SPAG16: variants seen among roughly 807,000 people sequenced by gnomAD.
SPAG16 encodes sperm associated antigen 16, also known as sperm-associated antigen 16 protein.
A neutral mutation model predicts 80.4 loss-of-function variants in SPAG16; 86 were observed. That is an observed-to-expected ratio of 1.07 (90% confidence interval 0.90 to 1.28). SPAG16 has a LOEUF of 1.28. SPAG16 is among the 50% of genes most tolerant of loss of function. The pLI, the probability that SPAG16 is intolerant of heterozygous loss-of-function variation, is 0.00. For synonymous variants in SPAG16, 294 were observed against 265.9 expected (o/e 1.11, Z -1.03); for missense variants, 870 against 765.3 (o/e 1.14, Z -1.61).
At chr2:214,061,730 A>C (rs2050265001) in intron 13 of SPAG16, among the ~76,000 whole-genome samples, 1 of 152,154 alleles carries the variant, frequency 6.6e-6, no homozygotes, top group Admixed American at 6.6e-5. Flanking sequence ...AGTTTAACAA[A>C]GTTGACACAT....
At chr2:213,387,431 C>CTTTTTTTTTTTTTTTTTTTTTTT (rs71060428) in intron 9 of SPAG16, among the ~76,000 whole-genome samples, 2 of 47,916 alleles carry the variant, frequency 4.2e-5, no homozygotes, top group Non-Finnish European at 6.5e-5. Context: ...AATGCATGCT[C>CTTTTTTTTTTTTTTTTTTTTTTT]TTTTTTTTTT....
At chr2:213,397,919 A>G (rs2068122607) in intron 9 of SPAG16, among the ~76,000 whole-genome samples, 1 of 152,050 alleles carries the variant, frequency 6.6e-6, no homozygotes, top group Admixed American at 6.6e-5. Flanking sequence ...TCATATATCC[A>G]ACTGCTTACT....
chr2:213,628,353 T>C, intron 10 of SPAG16, among the ~76,000 whole-genome samples: 1 of 152,194 alleles, frequency 6.6e-6, no homozygotes, highest in South Asian at 2.1e-4. Context: ...GCAAATTCTA[T>C]CCATTTATGG....
At chr2:213,753,800 A>T (rs1403260233) in intron 10 of SPAG16, among the ~76,000 whole-genome samples, 1 of 152,242 alleles carries the variant, frequency 6.6e-6, no homozygotes, top group Non-Finnish European at 1.5e-5. Context: ...GGCATGAATG[A>T]CTTAGACCTA....
At chr2:214,187,315 A>G (rs557958121) in intron 15 of SPAG16, among the ~76,000 whole-genome samples, 1 of 152,228 alleles carries the variant, frequency 6.6e-6, no homozygotes, top group African/African-American at 2.4e-5. Flanking sequence ...TAGGTGCTTC[A>G]TAGGTGAGAG....
intron 15 of SPAG16, among the ~76,000 whole-genome samples, chr2:214,406,534 CAAATT>C (rs1702007493): frequency 6.6e-6 from 1 of 151,978 alleles, no homozygotes; most frequent in South Asian, 2.1e-4. Context: ...GTTTTTATAA[CAAATT>C]CAATTGAAAC....
intron 10 of SPAG16, among the ~76,000 whole-genome samples, chr2:213,577,694 T>G (rs2060175025): frequency 6.6e-6 from 1 of 152,144 alleles, no homozygotes; most frequent in Admixed American, 6.6e-5. Context: ...AAGCATACTT[T>G]ATCTTTATTT....
chr2:213,588,989 C>G (rs2060584013), intron 10 of SPAG16, among the ~76,000 whole-genome samples: 1 of 151,998 alleles, frequency 6.6e-6, no homozygotes, highest in Non-Finnish European at 1.5e-5. Flanking sequence ...TCAACTCCTT[C>G]TTGGAAAAAT....
At chr2:213,915,029 G>A (rs1404282726) in intron 11 of SPAG16, among the ~76,000 whole-genome samples, 1 of 152,106 alleles carries the variant, frequency 6.6e-6, no homozygotes, top group East Asian at 1.9e-4. Flanking sequence ...CCACATGGCT[G>A]GGGAGGCCTC....
At chr2:213,907,347 T>C (rs1007548065) in intron 11 of SPAG16, among the ~76,000 whole-genome samples, 16 of 152,094 alleles carry the variant, frequency 1.1e-4, no homozygotes, top group African/African-American at 3.6e-4. Flanking sequence ...TCACCCTAGT[T>C]AGAATGGCTA....
chr2:214,036,971 G>A (rs1261928730), intron 13 of SPAG16, among the ~76,000 whole-genome samples: 1 of 151,648 alleles, frequency 6.6e-6, no homozygotes, highest in East Asian at 1.9e-4. Context: ...TTTTGTGTCT[G>A]TGAAATACTA....
At chr2:214,394,637 A>G (rs931611991) in intron 15 of SPAG16, among the ~76,000 whole-genome samples, 6 of 152,144 alleles carry the variant, frequency 3.9e-5, no homozygotes, top group African/African-American at 4.8e-5. Context: ...GAGATTTCCT[A>G]TATATCCCCT....
At chr2:213,969,097 G>T (rs1471190183) in intron 12 of SPAG16, among the ~76,000 whole-genome samples, 1 of 152,206 alleles carries the variant, frequency 6.6e-6, no homozygotes, top group Non-Finnish European at 1.5e-5. Flanking sequence ...AACTACAACA[G>T]TTGTGTAGTG....
At position 214,255,766 on chromosome 2, in the gene SPAG16, G is replaced by T. The variant is rs143312171; in HGVS notation, c.1720+106500G>T. ...CAAATAAATGGAATCTTTTGTGTAAGATTTCTTCATATGTGTTAATGTGTA... is the reference window on the plus strand; with the variant it reads ...CAAATAAATGGAATCTTTTGTGTAATATTTCTTCATATGTGTTAATGTGTA... On this transcript the variant is annotated intron_variant, in intron 15 of 15. Transcript: ENST00000331683. 1.4e-3 allele frequency among the ~76,000 whole-genome samples: 218 copies of T among 152,022 alleles called. 2 individuals carry two copies. Among genetic ancestry groups the T allele is most frequent in the Middle Eastern group, 0.01 (3 of 294 alleles).
chr2:213,812,936 A>G (rs2072270007), intron 10 of SPAG16, among the ~76,000 whole-genome samples: 1 of 152,136 alleles, frequency 6.6e-6, no homozygotes, highest in African/African-American at 2.4e-5. Flanking sequence ...AAAGAATAGG[A>G]TTTTTAAAAG....
At chr2:214,179,982 A>G (rs1211685936) in intron 15 of SPAG16, among the ~76,000 whole-genome samples, 1 of 151,554 alleles carries the variant, frequency 6.6e-6, no homozygotes, top group Non-Finnish European at 1.5e-5. Flanking sequence ...TCAGGAAAAG[A>G]CTGTCAATTT....
At chr2:213,863,244 C>A (rs1271691827) in intron 11 of SPAG16, among the ~76,000 whole-genome samples, 2 of 152,142 alleles carry the variant, frequency 1.3e-5, no homozygotes, top group Admixed American at 6.5e-5. Context: ...ATCCTGTTTT[C>A]TGCTCATCAT....
chr2:213,924,477 C>T (rs1463866135), intron 11 of SPAG16, among the ~76,000 whole-genome samples: 1 of 152,126 alleles, frequency 6.6e-6, no homozygotes, highest in African/African-American at 2.4e-5. Flanking sequence ...TTCATGGATC[C>T]CAGCATGGTT....
intron 15 of SPAG16, among the ~76,000 whole-genome samples, chr2:214,157,031 T>G (rs1391651237): frequency 6.6e-6 from 1 of 152,112 alleles, no homozygotes; most frequent in Non-Finnish European, 1.5e-5. Flanking sequence ...ACCTGTTGAG[T>G]GACCCTATTG....
Sources: allele counts gnomAD v4.1 joint callset (sites outside exome capture counted in the v4.1 genomes callset), GRCh38; gene constraint gnomAD v4.1.1; transcripts MANE v1.5; gene names NCBI Gene and HGNC (gene_info 2026-07-23, HGNC 2026-07-21).